Variants in SDHAF2 observed in about 807,000 individuals in gnomAD.
SDHAF2 encodes the protein succinate dehydrogenase assembly factor 2, mitochondrial.
In SDHAF2, 21 loss-of-function variants were observed where a neutral mutation model predicts 18.5. The ratio of observed to expected loss-of-function variants is 1.13; its 90% confidence interval spans 0.80 to 1.63. SDHAF2 has a LOEUF of 1.63. Ranked by LOEUF, SDHAF2 falls within the 40% of genes most tolerant of loss-of-function variation. The probability of loss-of-function intolerance (pLI) is 0.00; values close to 1 mark genes in which losing one functional copy is unlikely to be tolerated. For synonymous variants in SDHAF2, 84 were observed against 70.7 expected (o/e 1.19, Z -0.94); for missense variants, 195 against 200.3 (o/e 0.97, Z 0.16).
Position 61,437,646 on chromosome 11 carries a change from A to G in SDHAF2, c.58A>G (p.Ser20Gly). The change falls in exon 2 of 4, where the codon AGC becomes GGC. Residue 20 changes from serine (S) to glycine (G), a missense_variant. Physicochemically the swap from Ser to Gly is moderately conservative, Grantham distance 56. Coordinates refer to ENST00000301761, the MANE Select transcript of SDHAF2 (RefSeq NM_017841.4). ...SSLMLALSRHSLLSPLLSVTS... is the reference protein window; with the variant it reads ...SSLMLALSRHGLLSPLLSVTS... The stretch of plus-strand genomic sequence containing the variant: ...TCAGATGCTTGCTCTGTCAAGGCAC[A>G]GCCTATTGTCTCCTTTGCTCAGTGT... 6.2e-7 allele frequency: 1 copy of G among 1,614,198 alleles called. No individual in the cohort carries two copies.
At chr11:61,443,145 T>C (rs970403023) in intron 3 of SDHAF2, among the ~76,000 whole-genome samples, 28 of 152,266 alleles carry the variant, frequency 1.8e-4, no homozygotes, top group African/African-American at 6.0e-4. Flanking sequence ...AGATAATATC[T>C]ATTGACCTGT....
At chr11:61,438,280 A>G (rs1453654377) in intron 3 of SDHAF2, 167 bp downstream of exon 3, 24 of 659,838 alleles carry the variant, frequency 3.6e-5, no homozygotes, top group Non-Finnish European at 6.2e-5. Context: ...GCTCACTGCA[A>G]CCTCTACCTT....
chr11:61,431,719 C>CA (rs1263206952), intron 1 of SDHAF2: 4 of 152,004 alleles, frequency 2.6e-5, no homozygotes, highest in Admixed American at 6.6e-5. Context: ...TTTCTTGAGA[C>CA]AGAGTCTCGC....
rs368945911 is a variant in SDHAF2, at chr11:61,437,721, A to G, written c.133A>G (p.Lys45Glu). Residue 45 changes from lysine to glutamate, a missense_variant, in exon 2 of 4, where the codon AAG (lysine) becomes GAG (glutamate). Coordinates refer to ENST00000301761, the MANE Select transcript of SDHAF2 (RefSeq NM_017841.4). ...YRGDSPTDSQ[K>E]DMIEIPLPPW... is the part of the protein sequence containing the mutation. The stretch of plus-strand genomic sequence containing the variant: ...AGGTGACAGCCCAACAGATTCCCAA[A>G]AGGACATGATTGAAATCCCTTTGCC... 22 of 1,614,102 alleles carry G rather than the reference A, an allele frequency of 1.4e-5. No individual in the cohort carries two copies. Among genetic ancestry groups the G allele is most frequent in the African/African-American group, 5.3e-5 (4 of 74,922 alleles).
At chr11:61,431,345 T>C in intron 1 of SDHAF2, 1 of 152,344 alleles carries the variant, frequency 6.6e-6, no homozygotes. Context: ...TCTTTTTTCT[T>C]TTTTTCGTAG....
intron 1 of SDHAF2, among the ~76,000 whole-genome samples, chr11:61,436,302 C>T (rs1206835876): frequency 6.6e-6 from 1 of 152,102 alleles, no homozygotes; most frequent in Admixed American, 6.5e-5. Context: ...AAACCAGTCC[C>T]CCAGAGAGCC....
At chr11:61,434,612 G>GA (rs1455766071) in intron 1 of SDHAF2, 2 of 102,594 alleles carry the variant, frequency 1.9e-5, no homozygotes, top group Non-Finnish European at 3.5e-5. Context: ...TTTTTTTTTA[G>GA]AAAAAACCCT....
Position 61,445,973 on chromosome 11 carries a change from G to A in SDHAF2, c.403G>A (p.Glu135Lys), listed in dbSNP as rs2134901974. 6.2e-7 allele frequency: 1 copy of A among 1,614,194 alleles called. No homozygotes were observed. The highest frequency in any genetic ancestry group is 2.2e-5 in the East Asian group (1 of 44,886). The stretch of plus-strand genomic sequence containing the variant: ...ACCAGCCCCAGAAATATTTGAAAAT[G>A]AAGTCATGGCCCTGCTGAGAGACTT... ...AKPAPEIFEN[E>K]VMALLRDFAK... Residue 135 changes from glutamate (E) to lysine (K), a missense_variant, in exon 4 of 4, where the codon GAA becomes AAA. Transcript: ENST00000301761.
At position 61,439,750 on chromosome 11, in the gene SDHAF2, C is replaced by T. The variant is rs180885414; in HGVS notation, c.370+1637C>T. 1.2e-4 allele frequency among the ~76,000 whole-genome samples: 18 copies of T among 152,292 alleles called. No homozygotes were observed. In the East Asian group the frequency reaches 2.1e-3, roughly 18 times the overall value. On this transcript the variant is annotated intron_variant, in intron 3 of 3. Coordinates refer to ENST00000301761, the MANE Select transcript of SDHAF2 (RefSeq NM_017841.4). Reference sequence around the variant, plus strand: ...GACTTAGCATAATGCATTTGAGATGCGTATCCTTGTTGTTACTTGTATCAA... The same window carrying T: ...GACTTAGCATAATGCATTTGAGATGTGTATCCTTGTTGTTACTTGTATCAA...
intron 1 of SDHAF2, chr11:61,436,921 AG>A (rs1186816923): frequency 7.8e-7 from 1 of 1,285,402 alleles, no homozygotes; most frequent in Non-Finnish European, 1.0e-6. Context: ...TTGGGGGATT[AG>A]GGATCATGCT....
chr11:61,438,117 C>T lies in SDHAF2; in HGVS notation c.370+4C>T. ...GATATTTACTACTGGGCCACAGGTA[C>T]TGGGTATGATAAGCAGCATAATGTG... On this transcript the variant is annotated splice_donor_region_variant and intron_variant, in intron 3 of 3. Coordinates refer to ENST00000301761, the MANE Select transcript of SDHAF2 (RefSeq NM_017841.4). 6.3e-7 allele frequency: 1 copy of T among 1,596,436 alleles called. No individual in the cohort carries two copies. The highest frequency in any genetic ancestry group is 8.6e-7 in the Non-Finnish European group (1 of 1,163,888).
chr11:61,446,157 G>C lies in SDHAF2; in HGVS notation c.*86G>C. The C allele has an allele frequency of 1.3e-5, 19 of 1,519,290 alleles. No individual in the cohort carries two copies. Among genetic ancestry groups the C allele is most frequent in the Non-Finnish European group, 1.6e-5 (18 of 1,099,372 alleles). The allele number at this position is 1,519,290 out of a possible 1,614,324, so 94.1% of individuals were successfully genotyped here. Reference sequence around the variant, plus strand: ...CGTTAGCCTTGCTTCCGGCTTCTTAGATGCCCAGCTGCCCTACCCCAGACC... The same window carrying C: ...CGTTAGCCTTGCTTCCGGCTTCTTACATGCCCAGCTGCCCTACCCCAGACC... On this transcript the variant is annotated 3_prime_UTR_variant, in exon 4 of 4. Transcript: ENST00000301761.
chr11:61,439,043 CAAA>C (rs556484264), intron 3 of SDHAF2, among the ~76,000 whole-genome samples: 1 of 137,156 alleles, frequency 7.3e-6, no homozygotes, highest in South Asian at 2.3e-4. Context: ...GACTATGTCT[CAAA>C]AAAAAAAAAG....
intron 1 of SDHAF2, 177 bp downstream of exon 1, chr11:61,430,359 G>A (rs1861851425): frequency 1.3e-6 from 1 of 741,312 alleles, no homozygotes; most frequent in Non-Finnish European, 2.3e-6. Flanking sequence ...CCATTCTTTG[G>A]TGAGCCTACT....
intron 3 of SDHAF2, among the ~76,000 whole-genome samples, chr11:61,439,882 AT>A (rs1343019215): frequency 2.1e-4 from 32 of 152,326 alleles, no homozygotes; most frequent in African/African-American, 7.5e-4. Context: ...GCTTTAGGTG[AT>A]TATAAATGAA....
At chr11:61,430,492 T>C in intron 1 of SDHAF2, 1 of 516,204 alleles carries the variant, frequency 1.9e-6, no homozygotes, top group Non-Finnish European at 3.4e-6. Context: ...CCCCGTTCTT[T>C]AGTCTTTAAT....
chr11:61,430,896 T>A (rs1176605116), intron 1 of SDHAF2: 1 of 152,310 alleles, frequency 6.6e-6, no homozygotes, highest in East Asian at 1.9e-4. Flanking sequence ...CGATCTTTAT[T>A]CTTTTTTGAT....
chr11:61,432,993 G>A (rs1861950896), intron 1 of SDHAF2: 1 of 150,856 alleles, frequency 6.6e-6, no homozygotes, highest in African/African-American at 2.4e-5. Flanking sequence ...CACAGTTACA[G>A]TATTATAGTA....
At chr11:61,437,932 C>G (rs143087398) in intron 2 of SDHAF2, 72 bp from the exon 3 acceptor site, 4 of 1,556,762 alleles carry the variant, frequency 2.6e-6, no homozygotes, top group Non-Finnish European at 1.8e-6. Context: ...GAGTAGGAGT[C>G]TTGGTGTCAC....
Sources: allele counts gnomAD v4.1 joint callset (sites outside exome capture counted in the v4.1 genomes callset), GRCh38; gene constraint gnomAD v4.1.1; transcripts MANE v1.5; gene names NCBI Gene and HGNC (gene_info 2026-07-23, HGNC 2026-07-21).